Variants in MKRN2 observed in about 807,000 individuals in gnomAD.
MKRN2 encodes makorin ring finger protein 2.
Under a neutral mutation model 45.4 loss-of-function variants are expected in MKRN2, and 32 were observed. The observed-to-expected ratio is 0.70, with a 90% confidence interval of 0.53 to 0.95. The LOEUF is 0.95. Ranked by LOEUF, MKRN2 falls within the 40% of genes least tolerant of loss-of-function variation. The pLI is 0.00. For missense variants in MKRN2, 526 were observed against 536.7 expected, an observed-to-expected ratio of 0.98 and a Z score of 0.20; for synonymous variants, 206 against 192.4, an observed-to-expected ratio of 1.07 and a Z score of -0.59.
At chr3:12,567,919 C>T (rs544365931) in intron 1 of MKRN2, among the ~76,000 whole-genome samples, 33 of 152,272 alleles carry the variant, frequency 2.2e-4, no homozygotes, top group African/African-American at 7.5e-4. Flanking sequence ...TTCTTCAAGG[C>T]CAGGATCTGA....
chr3:12,581,671 A>G (rs1376248961), intron 6 of MKRN2, 137 bp from the exon 7 acceptor site: 1 of 910,618 alleles, frequency 1.1e-6, no homozygotes, highest in Admixed American at 2.2e-5. Context: ...AACCTCTCCC[A>G]GCCTCAGCTG....
At chr3:12,579,679 G>A (rs1187791457) in intron 6 of MKRN2, among the ~76,000 whole-genome samples, 2 of 152,328 alleles carry the variant, frequency 1.3e-5, no homozygotes, top group Middle Eastern at 3.4e-3. Flanking sequence ...ACAGAAGGGT[G>A]TAGGTTTTGT....
At position 12,582,398 on chromosome 3, in the gene MKRN2, C is replaced by A; in HGVS notation, c.*145C>A. 1 of 976,298 alleles carries A rather than the reference C, an allele frequency of 1.0e-6. No homozygotes were observed. The highest frequency in any genetic ancestry group is 1.5e-6 in the Non-Finnish European group (1 of 652,654). 60.5% of individuals were successfully genotyped at this position (976,298 alleles called of 1,614,324 possible). A position where few individuals can be genotyped will look rare whatever the true frequency, so the allele number is the denominator to read the frequency against. On this transcript the variant is annotated 3_prime_UTR_variant, in exon 8 of 8. Transcript: ENST00000170447. ...GGGCTTAGCCTTAGTCTCATTCAAT[C>A]TCCATTATTACAGCCATGGGGAAGA...
At chr3:12,560,494 A>G (rs75823372) in intron 1 of MKRN2, among the ~76,000 whole-genome samples, 1 of 151,938 alleles carries the variant, frequency 6.6e-6, no homozygotes, top group African/African-American at 2.4e-5. Context: ...AAAAAAAAAA[A>G]AAAGACACTG....
In MKRN2 at chr3:12,582,190, C is replaced by A; in HGVS notation, c.1188C>A (p.Val396=). The A allele has an allele frequency of 6.2e-7, 1 of 1,614,102 alleles. No individual in the cohort carries two copies. Among genetic ancestry groups the A allele is most frequent in the Non-Finnish European group, 8.5e-7 (1 of 1,180,020 alleles). The change falls in exon 8 of 8, where the codon GTC becomes GTA. Residue 396 remains valine, a synonymous_variant. Coordinates refer to ENST00000170447, the MANE Select transcript of MKRN2 (RefSeq NM_014160.5). ...ESRHVPNNED[V]DMTELGDLFM... is the part of the protein sequence containing the mutation. ...GGCATGTCCCCAACAATGAAGATGTCGACATGACAGAGCTCGGGGACCTCT... is the reference window on the plus strand; with the variant it reads ...GGCATGTCCCCAACAATGAAGATGTAGACATGACAGAGCTCGGGGACCTCT...
chr3:12,558,874 T>G (rs1006996219), intron 1 of MKRN2, among the ~76,000 whole-genome samples: 2 of 152,206 alleles, frequency 1.3e-5, no homozygotes, highest in Non-Finnish European at 2.9e-5. Context: ...TCTTAGGTAC[T>G]GTAGTGTATA....
Position 12,583,381 on chromosome 3 carries a change from G to A in MKRN2, c.*1128G>A, listed in dbSNP as rs561917321. 3 of 172,276 alleles carry A rather than the reference G, an allele frequency of 1.7e-5. No individual in the cohort carries two copies. The highest frequency in any genetic ancestry group is 7.1e-5 in the African/African-American group (3 of 42,296). The allele number at this position is 172,276 out of a possible 1,614,324, so 10.7% of individuals were successfully genotyped here. On this transcript the variant is annotated 3_prime_UTR_variant, in exon 8 of 8. Coordinates refer to ENST00000170447, the MANE Select transcript of MKRN2 (RefSeq NM_014160.5). ...TAGTTTATAAAATGTATTACTTAAG[G>A]TATTAGCTGAGTTTAGAGTACTTTC...
chr3:12,563,573 T>G (rs1682999677), intron 1 of MKRN2, among the ~76,000 whole-genome samples: 2 of 142,448 alleles, frequency 1.4e-5, no homozygotes, highest in Admixed American at 1.5e-4. Context: ...CACTGCAGCC[T>G]CCGCCTCCTG....
At position 12,582,173 on chromosome 3, in the gene MKRN2, C is replaced by T; in HGVS notation, c.1171C>T (p.Pro391Ser). ...FIENRESRHV[P>S]NNEDVDMTEL... is the part of the protein sequence containing the mutation. ...CGAGAACCGAGAAAGCCGGCATGTC[C>T]CCAACAATGAAGATGTCGACATGAC... The change falls in exon 8 of 8, where the codon CCC becomes TCC. Residue 391 changes from proline (P) to serine (S), a missense_variant. Coordinates refer to ENST00000170447, the MANE Select transcript of MKRN2 (RefSeq NM_014160.5). The T allele has an allele frequency of 1.2e-6, 2 of 1,614,126 alleles. No individual in the cohort carries two copies. The highest frequency in any genetic ancestry group is 1.7e-6 in the Non-Finnish European group (2 of 1,180,032).
chr3:12,575,410 G>T (rs2058126797), intron 5 of MKRN2, among the ~76,000 whole-genome samples: 1 of 152,160 alleles, frequency 6.6e-6, no homozygotes, highest in Non-Finnish European at 1.5e-5. Context: ...GGATGAAGTG[G>T]AATAATGCAT....
In MKRN2 at chr3:12,557,115, G is replaced by A. The variant is rs1012768365; in HGVS notation, c.-36G>A. 5.4e-6 allele frequency: 8 copies of A among 1,493,196 alleles called. No individual in the cohort carries two copies. Among genetic ancestry groups the A allele is most frequent in the African/African-American group, 1.5e-5 (1 of 68,786 alleles). 92.5% of individuals were successfully genotyped at this position (1,493,196 alleles called of 1,614,324 possible). On this transcript the variant is annotated 5_prime_UTR_variant, in exon 1 of 8. Transcript: ENST00000170447. ...GCCGAGGCGGCAGCGGCTGCGAGAG[G>A]CGGCGGCACGACGACGGTCCCTCAG...
intron 1 of MKRN2, among the ~76,000 whole-genome samples, chr3:12,557,605 C>A (rs2057990117): frequency 6.6e-6 from 1 of 152,216 alleles, no homozygotes; most frequent in Admixed American, 6.5e-5. Flanking sequence ...TTATGAGGGC[C>A]TCAAAGTTTG....
At chr3:12,560,562 G>C (rs1397516320) in intron 1 of MKRN2, among the ~76,000 whole-genome samples, 1 of 151,664 alleles carries the variant, frequency 6.6e-6, no homozygotes, top group Admixed American at 6.6e-5. Context: ...TGCTAAACAG[G>C]CAACATTCAA....
intron 4 of MKRN2, among the ~76,000 whole-genome samples, chr3:12,572,954 T>C (rs563652111): frequency 7.9e-5 from 12 of 152,322 alleles, no homozygotes; most frequent in African/African-American, 2.9e-4. Flanking sequence ...AAAATCATGC[T>C]AAGTTCAAAG....
At chr3:12,578,077 G>A (rs79253000) in intron 6 of MKRN2, among the ~76,000 whole-genome samples, 2,591 of 152,206 alleles carry the variant, frequency 0.017, 77 homozygotes, top group African/African-American at 0.059. Context: ...TGACTTTGTC[G>A]CATTCCTGTG....
At chr3:12,570,738 C>G (rs1323687451) in intron 3 of MKRN2, among the ~76,000 whole-genome samples, 1 of 151,780 alleles carries the variant, frequency 6.6e-6, no homozygotes, top group African/African-American at 2.4e-5. Flanking sequence ...CAAAAATTAG[C>G]CGGGTGTAGT....
At chr3:12,575,626 G>T (rs2058129581) in intron 5 of MKRN2, among the ~76,000 whole-genome samples, 1 of 152,158 alleles carries the variant, frequency 6.6e-6, no homozygotes, top group Admixed American at 6.5e-5. Context: ...CAGGCCTGGG[G>T]TGCGGGGGTC....
chr3:12,563,957 AT>A (rs924719726), intron 1 of MKRN2, among the ~76,000 whole-genome samples: 1 of 149,966 alleles, frequency 6.7e-6, no homozygotes, highest in Non-Finnish European at 1.5e-5. Flanking sequence ...GAAGTCTTCT[AT>A]TTTTTTTGAA....
intron 4 of MKRN2, among the ~76,000 whole-genome samples, chr3:12,574,083 G>A (rs2058116411): frequency 6.6e-6 from 1 of 152,034 alleles, no homozygotes. Context: ...TAATCAAGAG[G>A]TAAATTAGTA....
Sources: allele counts gnomAD v4.1 joint callset (sites outside exome capture counted in the v4.1 genomes callset), GRCh38; gene constraint gnomAD v4.1.1; transcripts MANE v1.5; gene names NCBI Gene and HGNC (gene_info 2026-07-23, HGNC 2026-07-21).